The following TRMT11 variants were observed in gnomAD, a reference collection of about 807,000 sequenced individuals.
TRMT11 encodes the protein tRNA methyltransferase 11.
TRMT11 carries 53 observed loss-of-function variants against 62.8 expected under a neutral mutation model. The ratio of observed to expected loss-of-function variants is 0.84; its 90% CI spans 0.68 to 1.06. The LOEUF is 1.06. Ranked by LOEUF, TRMT11 falls within the 50% of genes least tolerant of loss-of-function variation. The pLI is 0.00. For missense variants in TRMT11, 556 were observed against 553.4 expected, an observed-to-expected ratio of 1.00 and a Z score of -0.05; for synonymous variants, 188 against 190.3, an observed-to-expected ratio of 0.99 and a Z score of 0.10.
intron 9 of TRMT11, 22 bp from the exon 10 acceptor site, chr6:126,012,749 G>A (rs374611207): frequency 1.6e-4 from 256 of 1,599,464 alleles, no homozygotes; most frequent in Non-Finnish European, 2.1e-4. Flanking sequence ...GACTATCTGT[G>A]TTACCTTTGT....
the TRMT11 span, among the ~76,000 whole-genome samples, chr6:126,223,018 G>A: frequency 5.3e-5 from 8 of 152,090 alleles, no homozygotes; most frequent in African/African-American, 1.9e-4. Flanking sequence ...TAGGTCTGGT[G>A]GTAACTAATT....
At chr6:126,186,284 T>C (rs987083022) in intron 1 of TRMT11, among the ~76,000 whole-genome samples, 1 of 152,188 alleles carries the variant, frequency 6.6e-6, no homozygotes, top group African/African-American at 2.4e-5. Context: ...AAAGTAACTA[T>C]AATTTTGTTT....
intron 11 of TRMT11, among the ~76,000 whole-genome samples, chr6:126,019,379 C>T (rs1562272763): frequency 2.6e-5 from 4 of 151,860 alleles, no homozygotes; most frequent in Admixed American, 1.3e-4. Flanking sequence ...AGCAGTTTAG[C>T]GTCATTCATG....
chr6:126,168,799 G>A (rs1004313885), intron 21 of TRMT11, among the ~76,000 whole-genome samples: 4 of 152,144 alleles, frequency 2.6e-5, no homozygotes, highest in Non-Finnish European at 4.4e-5. Context: ...TTACAGGTGC[G>A]AGCCACCATG....
chr6:126,160,355 C>T (rs1261592815), intron 21 of TRMT11, among the ~76,000 whole-genome samples: 2 of 152,006 alleles, frequency 1.3e-5, no homozygotes, highest in Admixed American at 6.6e-5. Context: ...TTTTCCTCAC[C>T]CAAAGTGTCT....
chr6:126,066,797 CT>C (rs1776705554), intron 17 of TRMT11, among the ~76,000 whole-genome samples: 1 of 152,026 alleles, frequency 6.6e-6, no homozygotes, highest in Non-Finnish European at 1.5e-5. Context: ...AGTGATGAGG[CT>C]TGGGGGGTGC....
chr6:126,045,230 T>G (rs1198497991), intron 16 of TRMT11, among the ~76,000 whole-genome samples: 1 of 152,048 alleles, frequency 6.6e-6, no homozygotes, highest in Admixed American at 6.6e-5. Flanking sequence ...CTGCTTACTG[T>G]ACAATAAGTA....
intron 1 of TRMT11, among the ~76,000 whole-genome samples, chr6:125,989,594 G>A (rs979369515): frequency 2.0e-5 from 3 of 152,164 alleles, no homozygotes; most frequent in African/African-American, 7.2e-5. Context: ...GTAAAGTAAG[G>A]CAATGCAGTG....
the TRMT11 span, among the ~76,000 whole-genome samples, chr6:126,258,525 G>A: frequency 5.3e-5 from 8 of 152,292 alleles, no homozygotes; most frequent in Non-Finnish European, 7.4e-5. Flanking sequence ...CCCTTGCTGC[G>A]CCCCTGACTT....
At chr6:125,989,952 A>G (rs1030879225) in intron 1 of TRMT11, among the ~76,000 whole-genome samples, 2 of 152,044 alleles carry the variant, frequency 1.3e-5, no homozygotes, top group Non-Finnish European at 2.9e-5. Context: ...TGATTTTTAC[A>G]TAGGAAGTAT....
intron 21 of TRMT11, among the ~76,000 whole-genome samples, chr6:126,168,891 C>T (rs763558406): frequency 2.0e-4 from 31 of 152,198 alleles, no homozygotes; most frequent in Non-Finnish European, 3.8e-4. Context: ...GGTGGATCCA[C>T]TTGTCTCATA....
chr6:126,143,077 A>G (rs973757322), intron 21 of TRMT11, among the ~76,000 whole-genome samples: 13 of 152,146 alleles, frequency 8.5e-5, no homozygotes, highest in African/African-American at 3.1e-4. Flanking sequence ...ATAAATAGAC[A>G]TTCAGGAAAA....
At chr6:126,195,854 A>G (rs932354672) in intron 1 of TRMT11, among the ~76,000 whole-genome samples, 2 of 152,212 alleles carry the variant, frequency 1.3e-5, no homozygotes, top group Non-Finnish European at 1.5e-5. Flanking sequence ...AGATACACAC[A>G]GGAAGAGATG....
intron 21 of TRMT11, among the ~76,000 whole-genome samples, chr6:126,127,884 T>C (rs1777736994): frequency 6.6e-6 from 1 of 152,028 alleles, no homozygotes; most frequent in South Asian, 2.1e-4. Context: ...ATTGACTCAT[T>C]GACAGGGTGA....
intron 21 of TRMT11, among the ~76,000 whole-genome samples, chr6:126,123,451 C>T (rs1777673712): frequency 6.6e-6 from 1 of 152,078 alleles, no homozygotes; most frequent in African/African-American, 2.4e-5. Flanking sequence ...CAGACTTGAA[C>T]ACTCCCAGCA....
chr6:126,038,882 A>T lies in TRMT11; in HGVS notation c.*46A>T, dbSNP rs761843881. ...AAGAAAGAATAAGAATTTGATTTAA[A>T]AAGACATCTGGATGTGAACTTTCAT... On this transcript the variant is annotated 3_prime_UTR_variant, in exon 13 of 13. Coordinates refer to ENST00000334379, the MANE Select transcript of TRMT11 (RefSeq NM_001031712.3). 3 of 1,518,636 alleles carry T rather than the reference A, an allele frequency of 2.0e-6. No homozygotes were observed. In the Admixed American group the frequency reaches 6.0e-5, roughly 31 times the overall value. 94.1% of individuals were successfully genotyped at this position (1,518,636 alleles called of 1,614,324 possible).
intron 12 of TRMT11, among the ~76,000 whole-genome samples, chr6:126,023,458 G>C (rs1221580601): frequency 6.6e-6 from 1 of 152,236 alleles, no homozygotes; most frequent in South Asian, 2.1e-4. Flanking sequence ...GACGTGCCTG[G>C]CCAATGTAGT....
chr6:126,198,354 G>A (rs1196965111), intron 1 of TRMT11, among the ~76,000 whole-genome samples: 3 of 152,162 alleles, frequency 2.0e-5, no homozygotes, highest in Non-Finnish European at 4.4e-5. Flanking sequence ...TTCTTGTATA[G>A]AATATATATA....
intron 16 of TRMT11, among the ~76,000 whole-genome samples, chr6:126,046,956 C>G (rs902593081): frequency 2.0e-4 from 30 of 152,060 alleles, no homozygotes; most frequent in African/African-American, 7.2e-4. Context: ...CCTAATGATA[C>G]CTTTGAGCTA....
Sources: allele counts gnomAD v4.1 joint callset (sites outside exome capture counted in the v4.1 genomes callset), GRCh38; gene constraint gnomAD v4.1.1; transcripts MANE v1.5; gene names NCBI Gene and HGNC (gene_info 2026-07-23, HGNC 2026-07-21).